SPRED1: variants seen among roughly 807,000 people sequenced by gnomAD.
The protein encoded by SPRED1 is sprouty related EVH1 domain containing 1, also known as sprouty-related, EVH1 domain-containing protein 1.
SPRED1 carries 18 observed loss-of-function variants against 52.3 expected under a neutral mutation model. That is an observed-to-expected ratio of 0.34 (90% CI 0.24 to 0.51). The LOEUF is 0.51. Ranked by LOEUF, SPRED1 falls within the 20% of genes least tolerant of loss-of-function variation. The probability of loss-of-function intolerance (pLI) is 0.97; values close to 1 mark genes in which losing one functional copy is unlikely to be tolerated. For synonymous variants in SPRED1, 155 were observed against 179.7 expected (o/e 0.86, Z 1.10); for missense variants, 485 against 551.0 (o/e 0.88, Z 1.20).
At chr15:38,298,563 C>T (rs976290571) in intron 1 of SPRED1, 2 of 306,758 alleles carry the variant, frequency 6.5e-6, no homozygotes, top group Non-Finnish European at 1.2e-5. Context: ...AGAAGTCAGA[C>T]AAAAAGAGTA....
chr15:38,287,512 C>G (rs900936009), intron 1 of SPRED1, among the ~76,000 whole-genome samples: 1 of 152,168 alleles, frequency 6.6e-6, no homozygotes, highest in East Asian at 1.9e-4. Flanking sequence ...TCCCTCCCCA[C>G]TTAAAAAAAT....
At chr15:38,302,373 C>T (rs147866002) in intron 2 of SPRED1, among the ~76,000 whole-genome samples, 58 of 152,032 alleles carry the variant, frequency 3.8e-4, no homozygotes, top group African/African-American at 1.2e-3. Context: ...ATATACTTTA[C>T]TGTTTTATTT....
intron 1 of SPRED1, among the ~76,000 whole-genome samples, chr15:38,267,502 C>A (rs954441060): frequency 2.0e-5 from 3 of 151,924 alleles, no homozygotes; most frequent in Non-Finnish European, 2.9e-5. Flanking sequence ...TTTTTTCTAT[C>A]GTGGATTATT....
At chr15:38,341,714 A>G (rs966211862) in intron 5 of SPRED1, among the ~76,000 whole-genome samples, 6 of 152,044 alleles carry the variant, frequency 3.9e-5, no homozygotes, top group Non-Finnish European at 7.4e-5. Context: ...AGATGATTTC[A>G]TGTATGACTT....
chr15:38,342,073 A>T (rs1896043420), intron 5 of SPRED1, among the ~76,000 whole-genome samples: 1 of 107,040 alleles, frequency 9.3e-6, no homozygotes, highest in African/African-American at 3.4e-5. Context: ...TTTTAATTGG[A>T]GTATTTTGTT....
rs8025970 is a variant in SPRED1, at chr15:38,326,190, A to T, written c.423+1381A>T. The T allele has an allele frequency of 5.4e-3, 821 of 152,422 alleles. 7 individuals carry two copies. The highest frequency in any genetic ancestry group is 0.019 in the African/African-American group (790 of 41,586). The allele number at this position is 152,422 out of a possible 1,614,324, so 9.4% of individuals were successfully genotyped here. A position where few individuals can be genotyped will look rare whatever the true frequency, so the allele number is the denominator to read the frequency against. ...AAAGGGAATGTTTATTTAGTGGCTG[A>T]AAGCTTAGCAACAATGTCATGGCAG... On this transcript the variant is annotated intron_variant, in intron 4 of 6. Coordinates refer to ENST00000299084, the MANE Select transcript of SPRED1 (RefSeq NM_152594.3).
chr15:38,346,100 G>A (rs1896130254), intron 5 of SPRED1, among the ~76,000 whole-genome samples: 1 of 152,208 alleles, frequency 6.6e-6, no homozygotes, highest in Non-Finnish European at 1.5e-5. Flanking sequence ...CACTATGGGA[G>A]GTCGAGGTAG....
intron 1 of SPRED1, among the ~76,000 whole-genome samples, chr15:38,280,822 G>T (rs1368633748): frequency 6.6e-6 from 1 of 152,216 alleles, no homozygotes; most frequent in African/African-American, 2.4e-5. Flanking sequence ...ATATGTAATT[G>T]TAAAGTAGAT....
intron 1 of SPRED1, among the ~76,000 whole-genome samples, chr15:38,259,736 A>G (rs1194305294): frequency 6.6e-6 from 1 of 152,208 alleles, no homozygotes; most frequent in Non-Finnish European, 1.5e-5. Context: ...ATGTAACACT[A>G]GGGGATAACT....
chr15:38,266,376 A>G (rs1336268022), intron 1 of SPRED1, among the ~76,000 whole-genome samples: 2 of 152,204 alleles, frequency 1.3e-5, no homozygotes, highest in African/African-American at 4.8e-5. Flanking sequence ...ACGGTGGCTC[A>G]TGCCTGTAAT....
Position 38,332,386 on chromosome 15 carries a change from C to T in SPRED1, c.424-7351C>T, listed in dbSNP as rs117472960. ...CCTAGGAGTTCAAAACCAGCCTGAG[C>T]AACATAGTAAGACTCTGTCTCTACC... On this transcript the variant is annotated intron_variant, in intron 4 of 6. Transcript: ENST00000299084. Among the ~76,000 whole-genome samples the T allele has an allele frequency of 4.6e-3, 703 of 152,184 alleles. 12 individuals carry two copies. The East Asian group carries it at 0.065, about 14-fold the overall frequency.
At chr15:38,254,065 G>C (rs945056921) in intron 1 of SPRED1, among the ~76,000 whole-genome samples, 1 of 152,048 alleles carries the variant, frequency 6.6e-6, no homozygotes, top group African/African-American at 2.4e-5. Flanking sequence ...TTGCTTTAAC[G>C]TGACAGCTGC....
intron 1 of SPRED1, among the ~76,000 whole-genome samples, chr15:38,270,230 T>C (rs186853163): frequency 2.0e-5 from 3 of 152,310 alleles, no homozygotes; most frequent in African/African-American, 4.8e-5. Flanking sequence ...TTTCTATTCC[T>C]TCAAGCCCAA....
At chr15:38,321,159 C>G (rs149355974) in intron 2 of SPRED1, among the ~76,000 whole-genome samples, 46 of 152,130 alleles carry the variant, frequency 3.0e-4, no homozygotes, top group Non-Finnish European at 6.3e-4. Context: ...ATATGTAACT[C>G]CTTTGAAATA....
chr15:38,269,905 C>CT (rs10566946), intron 1 of SPRED1, among the ~76,000 whole-genome samples: 145 of 91,988 alleles, frequency 1.6e-3, no homozygotes, highest in Middle Eastern at 5.4e-3. Context: ...TTCTTTCTTT[C>CT]TTTTTTTTTT....
intron 4 of SPRED1, 38 bp downstream of exon 4, chr15:38,324,847 G>C (rs755992043): frequency 6.5e-7 from 1 of 1,537,584 alleles, no homozygotes; most frequent in South Asian, 1.1e-5. Context: ...AAACATAAAG[G>C]ATGTGGAAGA....
At chr15:38,293,059 A>G (rs2140973453) in intron 1 of SPRED1, among the ~76,000 whole-genome samples, 1 of 147,240 alleles carries the variant, frequency 6.8e-6, no homozygotes, top group East Asian at 2.1e-4. Flanking sequence ...GACCAGGAAT[A>G]GGGATATAGA....
In SPRED1 at chr15:38,348,204, T is replaced by C. The variant is rs1007397535; in HGVS notation, c.583-1218T>C. Reference sequence around the variant, plus strand: ...TTGTGTAATGTTCTTCTGTTTTTCTTTTTTTCACTTGACCAAATATCTAGC... The same window carrying C: ...TTGTGTAATGTTCTTCTGTTTTTCTCTTTTTCACTTGACCAAATATCTAGC... On this transcript the variant is annotated intron_variant, in intron 5 of 6. Transcript: ENST00000299084. Among the ~76,000 whole-genome samples, 4 of 152,214 alleles carry C rather than the reference T, an allele frequency of 2.6e-5. No individual in the cohort carries two copies. The South Asian group carries it at 8.3e-4, about 32-fold the overall frequency.
At chr15:38,274,759 C>G (rs1276105787) in intron 1 of SPRED1, among the ~76,000 whole-genome samples, 1 of 152,188 alleles carries the variant, frequency 6.6e-6, no homozygotes, top group East Asian at 1.9e-4. Flanking sequence ...AGCTGTTCAG[C>G]CTGTCTTTTA....
Sources: gnomAD v4.1 joint callset for allele counts (sites outside exome capture counted in the v4.1 genomes callset) on GRCh38, gnomAD v4.1.1 for gene constraint, MANE v1.5 for transcripts, NCBI Gene and HGNC (gene_info 2026-07-23, HGNC 2026-07-21) for gene names.